DMD: variants seen among roughly 807,000 people sequenced by gnomAD.
The protein encoded by DMD is dystrophin, also known as mutant dystrophin.
In DMD, 63 loss-of-function variants were observed where a neutral mutation model predicts 330.1. That is an observed-to-expected ratio of 0.19 (90% confidence interval 0.16 to 0.24). The LOEUF is 0.24. Ranked by LOEUF, DMD falls within the 10% of genes least tolerant of loss-of-function variation. DMD has a pLI of 1.00. For synonymous variants in DMD, 1,223 were observed against 959.8 expected (o/e 1.27, Z -5.07); for missense variants, 3,344 against 2,684.1 (o/e 1.25, Z -5.43).
At chrX:31,659,666 A>G (rs2081009894) in intron 53 of DMD, among the ~76,000 whole-genome samples, 1 of 105,092 alleles carries the variant, frequency 9.5e-6, no homozygotes, top group African/African-American at 3.5e-5. Flanking sequence ...AAAAAAAAAA[A>G]AAGAGAAACA....
At chrX:32,545,009 G>A (rs2148958206) in intron 17 of DMD, 150 bp downstream of exon 17, 2 of 516,775 alleles carry the variant, frequency 3.9e-6, no homozygotes, top group African/African-American at 2.4e-5. Flanking sequence ...GTTTTAAAAT[G>A]TACTTCATAA....
At chrX:32,450,762 A>C (rs2098326753) in intron 26 of DMD, among the ~76,000 whole-genome samples, 1 of 111,191 alleles carries the variant, frequency 9.0e-6, no homozygotes, top group South Asian at 3.7e-4. Context: ...TCTAATGAAT[A>C]AAATTACAAT....
intron 11 of DMD, among the ~76,000 whole-genome samples, chrX:32,636,692 G>A (rs1602384627): frequency 9.0e-6 from 1 of 111,629 alleles, no homozygotes; most frequent in South Asian, 3.8e-4. Context: ...AAGCTGCGTG[G>A]CTGGATGCAA....
chrX:32,061,064 C>G (rs1282149898), intron 44 of DMD, among the ~76,000 whole-genome samples: 1 of 111,370 alleles, frequency 9.0e-6, no homozygotes, highest in East Asian at 2.8e-4. Flanking sequence ...AAGCATTCTT[C>G]TTGAACCACT....
Position 32,401,441 on chromosome X carries a change from G to A in DMD, c.4233+10311C>T, listed in dbSNP as rs772709511. Among the ~76,000 whole-genome samples the A allele has an allele frequency of 1.1e-4, 12 of 111,835 alleles. No individual in the cohort carries two copies. In the East Asian group the frequency reaches 1.1e-3, roughly 11 times the overall value. ...CATGGATGGAATTGTACGTTATTAC[G>A]TTAAGTGAAATAAGCCAGTCACAGA... On this transcript the variant is annotated intron_variant, in intron 30 of 78. Transcript: ENST00000357033.
chrX:31,836,517 G>A (rs1269858756), intron 49 of DMD, among the ~76,000 whole-genome samples: 1 of 112,409 alleles, frequency 8.9e-6, no homozygotes, highest in African/African-American at 3.2e-5. Context: ...GCAATGACTC[G>A]TTAATAGCCT....
intron 29 of DMD, among the ~76,000 whole-genome samples, chrX:32,427,377 GT>G (rs2098217372): frequency 9.0e-6 from 1 of 110,987 alleles, no homozygotes; most frequent in Non-Finnish European, 1.9e-5. Context: ...AAGGGCAAAA[GT>G]CTGTGCCAGA....
At chrX:32,281,741 CCTTT>C (rs931870924) in intron 43 of DMD, among the ~76,000 whole-genome samples, 1 of 111,982 alleles carries the variant, frequency 8.9e-6, no homozygotes, top group Non-Finnish European at 1.9e-5. Context: ...TTCAACATTT[CCTTT>C]ATTTTATGAA....
In DMD at chrX:32,174,678, A is replaced by G. The variant is rs371100575; in HGVS notation, c.6438+42238T>C. ...ATGTTGTCTTTGGAAGCTATGGTAA[A>G]TTAAAAACAGAATAAAACTATTGCT... On this transcript the variant is annotated intron_variant, in intron 44 of 78. Transcript: ENST00000357033. Among the ~76,000 whole-genome samples the G allele has an allele frequency of 3.1e-4, 35 of 112,465 alleles. No homozygotes were observed. In the East Asian group the frequency reaches 5.0e-3, roughly 16 times the overall value.
At chrX:31,806,824 A>G (rs1603474088) in intron 50 of DMD, among the ~76,000 whole-genome samples, 2 of 112,771 alleles carry the variant, frequency 1.8e-5, no homozygotes, top group East Asian at 5.5e-4. Flanking sequence ...GGTCAACAAT[A>G]TCCATTATGA....
At chrX:32,212,388 T>G (rs1298516541) in intron 44 of DMD, among the ~76,000 whole-genome samples, 1 of 112,010 alleles carries the variant, frequency 8.9e-6, no homozygotes, top group Non-Finnish European at 1.9e-5. Flanking sequence ...GAGTGATTAG[T>G]TATAATAGGG....
Position 32,213,969 on chromosome X carries a change from C to CA in DMD, c.6438+2946dup, listed in dbSNP as rs1220301857. On this transcript the variant is annotated intron_variant, in intron 44 of 78. Coordinates refer to ENST00000357033, the MANE Select transcript of DMD (RefSeq NM_004006.3). ...GGGTGACAAAAGCAAAATTCCATCT[C>CA]AAAAAAAAAAAAGTATCCAATTGAG... Among the ~76,000 whole-genome samples the CA allele has an allele frequency of 5.7e-3, 543 of 95,379 alleles. 3 individuals are homozygous for CA. The highest frequency in any genetic ancestry group is 9.1e-3 in the South Asian group (20 of 2,187). The allele number at this position is 95,379 out of a possible 115,157, so 82.8% of individuals were successfully genotyped here. A position where few individuals can be genotyped will look rare whatever the true frequency, so the allele number is the denominator to read the frequency against.
intron 9 of DMD, among the ~76,000 whole-genome samples, chrX:32,651,030 T>C (rs1283018353): frequency 8.9e-6 from 1 of 112,276 alleles, no homozygotes; most frequent in African/African-American, 3.2e-5. Context: ...TAAAACCAGG[T>C]TGTTTGGATT....
At chrX:32,340,969 A>G (rs1227662144) in intron 41 of DMD, among the ~76,000 whole-genome samples, 1 of 112,070 alleles carries the variant, frequency 8.9e-6, no homozygotes, top group Non-Finnish European at 1.9e-5. Context: ...CAGTGTATTT[A>G]TTAATTTTCT....
chrX:32,779,518 A>G (rs1038142902), intron 7 of DMD, among the ~76,000 whole-genome samples: 1 of 110,076 alleles, frequency 9.1e-6, no homozygotes, highest in African/African-American at 3.3e-5. Context: ...TTTAGATTTT[A>G]CAGATGTTCC....
At chrX:32,390,568 T>C (rs930981808) in intron 30 of DMD, among the ~76,000 whole-genome samples, 14 of 112,180 alleles carry the variant, frequency 1.2e-4, no homozygotes, top group Non-Finnish European at 2.1e-4. Flanking sequence ...GAAGTCACAC[T>C]CAAATCGGAC....
chrX:32,432,292 T>C (rs763867499), intron 29 of DMD, among the ~76,000 whole-genome samples: 1 of 111,710 alleles, frequency 9.0e-6, no homozygotes, highest in Non-Finnish European at 1.9e-5. Flanking sequence ...TCATATTTCT[T>C]TTCCATCAAA....
chrX:32,811,293 T>G (rs1365911586), intron 6 of DMD, among the ~76,000 whole-genome samples: 1 of 110,494 alleles, frequency 9.1e-6, no homozygotes, highest in African/African-American at 3.3e-5. Flanking sequence ...GAGCCATGAT[T>G]GTACCACTGC....
intron 34 of DMD, among the ~76,000 whole-genome samples, chrX:32,370,703 G>A (rs186286495): frequency 1.0e-3 from 113 of 110,320 alleles, no homozygotes; most frequent in South Asian, 6.9e-3. Context: ...AAAAAGATAC[G>A]TAATTTTTCA....
Sources: gnomAD v4.1 joint callset for allele counts (sites outside exome capture counted in the v4.1 genomes callset) on GRCh38, gnomAD v4.1.1 for gene constraint, MANE v1.5 for transcripts, NCBI Gene and HGNC (gene_info 2026-07-23, HGNC 2026-07-21) for gene names.